Variants in RNF38 observed in about 807,000 individuals in gnomAD.
RNF38 encodes the protein E3 ubiquitin-protein ligase RNF38.
Under a neutral mutation model 67.2 loss-of-function variants are expected in RNF38, and 15 were observed. The ratio of observed to expected loss-of-function variants is 0.22; its 90% CI spans 0.15 to 0.34. The LOEUF is 0.34. RNF38 is among the 10% of genes least tolerant of loss of function. RNF38 has a pLI of 1.00. For synonymous variants in RNF38, 220 were observed against 218.8 expected (o/e 1.01, Z -0.05); for missense variants, 524 against 639.9 (o/e 0.82, Z 1.95).
chr9:36,401,021 A>AG, upstream of RNF38: 1 of 984,190 alleles, frequency 1.0e-6, no homozygotes, highest in Non-Finnish European at 1.2e-6. Context: ...CCTCGCCGCT[A>AG]GGCCGCGACA....
intron 1 of RNF38, among the ~76,000 whole-genome samples, chr9:36,396,682 G>C (rs1303627966): frequency 6.6e-6 from 1 of 152,036 alleles, no homozygotes; most frequent in Non-Finnish European, 1.5e-5. Context: ...GATGGGCACA[G>C]GGATCTTTGG....
intron 1 of RNF38, among the ~76,000 whole-genome samples, chr9:36,465,263 G>A (rs767058952): frequency 6.6e-6 from 1 of 152,220 alleles, no homozygotes; most frequent in Non-Finnish European, 1.5e-5. Context: ...CCTACATAGG[G>A]GTGGGTTCGT....
intron 2 of RNF38, among the ~76,000 whole-genome samples, chr9:36,407,325 G>T (rs1015408341): frequency 2.6e-5 from 4 of 152,164 alleles, no homozygotes; most frequent in Non-Finnish European, 5.9e-5. Flanking sequence ...TCAGGTGGCT[G>T]TTTCCACAGT....
intron 4 of RNF38, among the ~76,000 whole-genome samples, chr9:36,367,447 G>C (rs1194565332): frequency 1.3e-5 from 2 of 151,940 alleles, no homozygotes; most frequent in Non-Finnish European, 2.9e-5. Context: ...CCTTTATATT[G>C]TTGATAAAAC....
chr9:36,434,254 A>G (rs1045299051), intron 1 of RNF38, among the ~76,000 whole-genome samples: 2 of 66,496 alleles, frequency 3.0e-5, no homozygotes, highest in African/African-American at 1.2e-4. Context: ...AAGGGAGGGG[A>G]GGGGAGAGGG....
intron 2 of RNF38, among the ~76,000 whole-genome samples, chr9:36,416,740 ATAT>A (rs1838480752): frequency 2.7e-5 from 2 of 73,032 alleles, no homozygotes; most frequent in African/African-American, 1.1e-4. Context: ...TGCTGCCTCG[ATAT>A]TTTTTTTTTT....
chr9:36,475,918 A>G (rs1339714314), intron 1 of RNF38, among the ~76,000 whole-genome samples: 1 of 150,490 alleles, frequency 6.6e-6, no homozygotes, highest in Non-Finnish European at 1.5e-5. Context: ...CTGAAGCAGG[A>G]CAATTGCTTG....
chr9:36,470,220 C>T (rs940979274), intron 1 of RNF38, among the ~76,000 whole-genome samples: 3 of 152,152 alleles, frequency 2.0e-5, no homozygotes, highest in African/African-American at 7.2e-5. Context: ...CACTACTCTA[C>T]CTCCTGGTAC....
At chr9:36,416,908 T>C (rs917734936) in intron 2 of RNF38, among the ~76,000 whole-genome samples, 6 of 151,866 alleles carry the variant, frequency 4.0e-5, no homozygotes, top group South Asian at 4.2e-4. Flanking sequence ...ATGTGCCACA[T>C]GCCCAGCTAA....
At chr9:36,486,704 C>G (rs1410021283) in intron 1 of RNF38, among the ~76,000 whole-genome samples, 1 of 152,146 alleles carries the variant, frequency 6.6e-6, no homozygotes, top group Non-Finnish European at 1.5e-5. Context: ...AGCCCTCTCC[C>G]CGAGAGCACA....
intron 3 of RNF38, among the ~76,000 whole-genome samples, chr9:36,374,166 G>C (rs1384603558): frequency 6.6e-6 from 1 of 152,212 alleles, no homozygotes; most frequent in South Asian, 2.1e-4. Context: ...CATGTAATTG[G>C]TTAATAAGGT....
At chr9:36,365,478 G>C (rs745827622) in intron 4 of RNF38, among the ~76,000 whole-genome samples, 1 of 152,016 alleles carries the variant, frequency 6.6e-6, no homozygotes, top group Non-Finnish European at 1.5e-5. Context: ...TGAGGCAGGA[G>C]AATCGCTTGA....
chr9:36,385,687 T>G (rs1401623860), intron 2 of RNF38, among the ~76,000 whole-genome samples: 1 of 152,164 alleles, frequency 6.6e-6, no homozygotes, highest in Non-Finnish European at 1.5e-5. Flanking sequence ...CCACTACAGC[T>G]TTCTGAATCC....
In RNF38 at chr9:36,400,256, G is replaced by C; in HGVS notation, c.-148C>G. 1 of 1,370,328 alleles carries C rather than the reference G, an allele frequency of 7.3e-7. No homozygotes were observed. The highest frequency in any genetic ancestry group is 9.5e-7 in the Non-Finnish European group (1 of 1,056,988). 84.9% of individuals were successfully genotyped at this position (1,370,328 alleles called of 1,614,324 possible). On this transcript the variant is annotated 5_prime_UTR_variant, in exon 1 of 12. Transcript: ENST00000259605. ...AAACGCAGCCTATCCAGAAACCCAC[G>C]GAAGCAGAAGGACGCCAGAGAGGAC...
chr9:36,356,346 G>A lies in RNF38; in HGVS notation c.866C>T (p.Pro289Leu), dbSNP rs906614705. The A allele has an allele frequency of 6.2e-7, 1 of 1,614,068 alleles. No homozygotes were observed. The highest frequency in any genetic ancestry group is 8.5e-7 in the Non-Finnish European group (1 of 1,179,988). Residue 289 changes from proline (P) to leucine (L), a missense_variant, in exon 6 of 12, where the codon CCA becomes CTA. Pro to Leu is a moderately conservative substitution (Grantham distance 98). Around this residue, in one of 2 missense-constraint regions of RNF38, gnomAD observed 461 missense variants for 517.4 expected, o/e 0.89. Coordinates refer to ENST00000259605, the MANE Select transcript of RNF38 (RefSeq NM_022781.5). Reference sequence around the variant, plus strand: ...TTGGAAAGGGACAAACTGGCCTGGTGGTGGCAAATGAGGAGGATGATGGGG... The same window carrying A: ...TTGGAAAGGGACAAACTGGCCTGGTAGTGGCAAATGAGGAGGATGATGGGG... The part of the protein sequence containing the change: ...LSPHHPPHLP[P>L]PGQFVPFQTQ...
chr9:36,388,615 TC>T, intron 2 of RNF38, among the ~76,000 whole-genome samples: 1 of 152,086 alleles, frequency 6.6e-6, no homozygotes, highest in Non-Finnish European at 1.5e-5. Flanking sequence ...CACACCCAAC[TC>T]CTCATGCTTG....
intron 2 of RNF38, among the ~76,000 whole-genome samples, chr9:36,386,962 C>A (rs1836688374): frequency 6.6e-6 from 1 of 152,306 alleles, no homozygotes; most frequent in African/African-American, 2.4e-5. Context: ...ACCACCACGC[C>A]TGGTTAATTT....
chr9:36,370,598 A>G (rs2133790066), intron 3 of RNF38, among the ~76,000 whole-genome samples: 1 of 152,254 alleles, frequency 6.6e-6, no homozygotes. Flanking sequence ...ACTTACATAG[A>G]ATTTTAAATT....
chr9:36,401,395 C>T (rs948840223), upstream of RNF38, among the ~76,000 whole-genome samples: 8 of 152,106 alleles, frequency 5.3e-5, no homozygotes, highest in Non-Finnish European at 1.0e-4. Context: ...TCCGTGCCTC[C>T]TACCTACAAA....
Sources: allele counts gnomAD v4.1 joint callset (sites outside exome capture counted in the v4.1 genomes callset), GRCh38; gene constraint gnomAD v4.1.1; regional missense constraint gnomAD v4.1.1; transcripts MANE v1.5; gene names NCBI Gene and HGNC (gene_info 2026-07-23, HGNC 2026-07-21).